Variants in OSBPL5 observed in about 807,000 individuals in gnomAD.
The protein encoded by OSBPL5 is oxysterol-binding protein-related protein 5.
A neutral mutation model predicts 111.2 loss-of-function variants in OSBPL5; 71 were observed. That is an observed-to-expected ratio of 0.64 (90% confidence interval 0.53 to 0.78). The LOEUF (loss-of-function observed/expected upper bound fraction) is 0.78, where lower values mean the gene tolerates loss of function less well. OSBPL5 is among the 30% of genes least tolerant of loss of function. OSBPL5 has a pLI of 0.00. For missense variants in OSBPL5, 1,210 were observed against 1,189.3 expected (o/e 1.02, Z -0.26); for synonymous variants, 549 against 513.9 (o/e 1.07, Z -0.93).
chr11:3,093,406 C>G lies in OSBPL5; in HGVS notation c.1946+121G>C, dbSNP rs113721382. ...GATCTGCCACCAGGGGTGCACCAGG[C>G]CTGCCCTCCCTGCCAGGGACATCCT... On this transcript the variant is annotated intron_variant, in intron 17 of 21. Transcript: ENST00000263650. 764 of 1,437,050 alleles carry G rather than the reference C, an allele frequency of 5.3e-4. 3 individuals are homozygous for G. In the African/African-American group the frequency reaches 9.4e-3, roughly 18 times the overall value. The allele number at this position is 1,437,050 out of a possible 1,614,324, so 89.0% of individuals were successfully genotyped here. A position where few individuals can be genotyped will look rare whatever the true frequency, so the allele number is the denominator to read the frequency against.
intron 14 of OSBPL5, among the ~76,000 whole-genome samples, chr11:3,096,388 G>A (rs1245857741): frequency 6.6e-6 from 1 of 152,186 alleles, no homozygotes; most frequent in African/African-American, 2.4e-5. Context: ...GGAGGCCGAG[G>A]TAGGCTGATC....
intron 1 of OSBPL5, among the ~76,000 whole-genome samples, chr11:3,138,619 C>A (rs1273677340): frequency 1.3e-5 from 2 of 152,250 alleles, no homozygotes; most frequent in African/African-American, 4.8e-5. Flanking sequence ...CGCTCGCCTG[C>A]CGTGCTGTGG....
In OSBPL5 at chr11:3,103,861, C is replaced by T. The variant is rs188780566; in HGVS notation, c.1244+332G>A. Among the ~76,000 whole-genome samples, 316 of 40,202 alleles carry T rather than the reference C, an allele frequency of 7.9e-3. 1 individual carries two copies. Among genetic ancestry groups the T allele is most frequent in the Non-Finnish European group, 0.013 (227 of 17,722 alleles). 26.4% of individuals were successfully genotyped at this position (40,202 alleles called of 152,430 possible). A position where few individuals can be genotyped will look rare whatever the true frequency, so the allele number is the denominator to read the frequency against. Reference sequence around the variant, plus strand: ...CTCTGCAGCCCCTTTCCAGTCTGCGCAGCCCCCTTCCTGCCTCTGTAGCCC... The same window carrying T: ...CTCTGCAGCCCCTTTCCAGTCTGCGTAGCCCCCTTCCTGCCTCTGTAGCCC... On this transcript the variant is annotated intron_variant, in intron 10 of 21. Coordinates refer to ENST00000263650, the MANE Select transcript of OSBPL5 (RefSeq NM_020896.4).
At chr11:3,135,701 C>T (rs1408446256) in intron 1 of OSBPL5, among the ~76,000 whole-genome samples, 4 of 152,226 alleles carry the variant, frequency 2.6e-5, no homozygotes, top group South Asian at 2.1e-4. Flanking sequence ...GCTAAGACAC[C>T]GCCCCGTGGT....
At position 3,097,294 on chromosome 11, in the gene OSBPL5, C is replaced by G. The variant is rs190478887; in HGVS notation, c.1621+2864G>C. Among the ~76,000 whole-genome samples, 489 of 152,146 alleles carry G rather than the reference C, an allele frequency of 3.2e-3. 4 individuals carry two copies. The highest frequency in any genetic ancestry group is 0.011 in the African/African-American group (462 of 41,456). On this transcript the variant is annotated intron_variant, in intron 14 of 21. Transcript: ENST00000263650. ...GAGACATTTCCACTAAGCAGGCACT[C>G]TCACATGGCTACACCCTCAACAGAA...
rs967362828 is a variant in OSBPL5, at chr11:3,154,251, C to T, written c.-22+10965G>A. ...CCAGGATGCTGGGACCTGGAGAGCA[C>T]GGCCCTGCGTGCAGCACCTGCCAGT... On this transcript the variant is annotated intron_variant, in intron 1 of 21. Coordinates refer to ENST00000263650, the MANE Select transcript of OSBPL5 (RefSeq NM_020896.4). The surrounding 1 kb of genome is among the most constrained non-coding windows in gnomAD (Gnocchi z 4.9). Among the ~76,000 whole-genome samples, 1 of 152,244 alleles carries T rather than the reference C, an allele frequency of 6.6e-6. No homozygotes were observed. The highest frequency in any genetic ancestry group is 1.5e-5 in the Non-Finnish European group (1 of 68,046).
At position 3,126,112 on chromosome 11, in the gene OSBPL5, A is replaced by C. The variant is rs1029150398; in HGVS notation, c.219+361T>G. Among the ~76,000 whole-genome samples, 2 of 152,252 alleles carry C rather than the reference A, an allele frequency of 1.3e-5. No homozygotes were observed. Among genetic ancestry groups the C allele is most frequent in the Admixed American group, 6.5e-5 (1 of 15,284 alleles). On this transcript the variant is annotated intron_variant, in intron 3 of 21. Coordinates refer to ENST00000263650, the MANE Select transcript of OSBPL5 (RefSeq NM_020896.4). This position sits in a 1 kb window ranked among gnomAD's most constrained non-coding sequence, Gnocchi z 6.5. ...GCAGCCGCTGGGAAAGGAGTTTGGC[A>C]GTTCCTCCAAAAGTTAAACAGACAA... is the stretch of plus-strand genomic sequence containing the variant.
intron 1 of OSBPL5, among the ~76,000 whole-genome samples, chr11:3,148,187 C>T (rs201890502): frequency 2.0e-5 from 3 of 152,336 alleles, no homozygotes; most frequent in East Asian, 3.9e-4. Context: ...GGGAGCAGGT[C>T]GGAAACCGCA....
At position 3,107,457 on chromosome 11, in the gene OSBPL5, T is replaced by G; in HGVS notation, c.867-2A>C. 1.2e-6 allele frequency: 2 copies of G among 1,613,922 alleles called. No homozygotes were observed. The highest frequency in any genetic ancestry group is 1.7e-6 in the Non-Finnish European group (2 of 1,179,894). On this transcript the variant is annotated splice_acceptor_variant, in intron 8 of 21. Coordinates refer to ENST00000263650, the MANE Select transcript of OSBPL5 (RefSeq NM_020896.4). LOFTEE classifies it high-confidence loss of function. The surrounding 1 kb of genome is among the most constrained non-coding windows in gnomAD (Gnocchi z 6.1). ...TTCTCCAGGGAAGACCCGTTCAGTC[T>G]GGAAGGTGGATGGTGCCAGTGGGTC...
rs59645003 is a variant in OSBPL5, at chr11:3,114,591, AT to A, written c.691+4955del. Among the ~76,000 whole-genome samples the A allele has an allele frequency of 7.1e-4, 81 of 113,892 alleles. 2 individuals carry two copies. The highest frequency in any genetic ancestry group is 4.8e-3 in the Middle Eastern group (1 of 208). 74.7% of individuals were successfully genotyped at this position (113,892 alleles called of 152,430 possible). ...GACTAAAGAATTGGTTAGAACAATG[AT>A]TTTTTTTTTTTTTTTTTTTTTTTTT... On this transcript the variant is annotated intron_variant, in intron 7 of 21. Transcript: ENST00000263650.
chr11:3,129,032 C>G lies in OSBPL5; in HGVS notation c.117G>C (p.Glu39Asp), dbSNP rs777355887. 15 of 1,587,270 alleles carry G rather than the reference C, an allele frequency of 9.5e-6. No individual in the cohort carries two copies. The African/African-American group carries it at 1.1e-4, about 12-fold the overall frequency. Reference sequence around the variant, plus strand: ...ACTTACCTGGGCTGAGTGGGTAGAGCTCATTGTCTCCGCTGAGGAGCAAGT... The same window carrying G: ...ACTTACCTGGGCTGAGTGGGTAGAGGTCATTGTCTCCGCTGAGGAGCAAGT... ...TRNLLLSGDN[E>D]LYPLSPGKDM... The change falls in exon 2 of 22, where the codon GAG becomes GAC. Residue 39 changes from glutamate (E) to aspartate (D), a missense_variant. By Grantham distance (45) the Glu-to-Asp change is conservative (BLOSUM62 2). Transcript: ENST00000263650.
intron 17 of OSBPL5, 87 bp from the exon 18 acceptor site, chr11:3,093,139 G>A (rs530422412): frequency 7.4e-7 from 1 of 1,350,400 alleles, no homozygotes; most frequent in East Asian, 2.5e-5. Context: ...GGCACCAGAA[G>A]GAAGGCACAG....
chr11:3,148,164 C>G (rs961601814), intron 1 of OSBPL5, among the ~76,000 whole-genome samples: 24 of 152,338 alleles, frequency 1.6e-4, no homozygotes, highest in Admixed American at 1.5e-3. Flanking sequence ...TACAGTACAG[C>G]CGGGACTCCC....
chr11:3,103,291 C>T lies in OSBPL5; in HGVS notation c.1274G>A (p.Arg425His), dbSNP rs867268261. Reference protein sequence around the residue: ...RAAVEEDAYSRMKLVLRWYLS... With the variant: ...RAAVEEDAYSHMKLVLRWYLS... ...GTACCACCGCAGCACCAGCTTCATG[C>T]GGCTGTAGGCATCCTCCTCCACCGC... The change falls in exon 11 of 22, where the codon CGC becomes CAC. Residue 425 changes from arginine (R) to histidine (H), a missense_variant. Arg to His is a conservative substitution (Grantham distance 29). Coordinates refer to ENST00000263650, the MANE Select transcript of OSBPL5 (RefSeq NM_020896.4). The T allele has an allele frequency of 6.2e-6, 10 of 1,607,058 alleles. No individual in the cohort carries two copies. The highest frequency in any genetic ancestry group is 1.7e-4 in the Middle Eastern group (1 of 6,054).
intron 2 of OSBPL5, among the ~76,000 whole-genome samples, chr11:3,127,424 A>C (rs1858665781): frequency 1.3e-5 from 2 of 152,220 alleles, no homozygotes; most frequent in Non-Finnish European, 2.9e-5. Context: ...AGCCCTGGGC[A>C]GGGACTGGAT....
chr11:3,148,522 G>A (rs530883182), intron 1 of OSBPL5, among the ~76,000 whole-genome samples: 1 of 152,380 alleles, frequency 6.6e-6, no homozygotes, highest in African/African-American at 2.4e-5. Flanking sequence ...TCTCTTTCCA[G>A]CGGCTGTCCA....
chr11:3,107,942 C>T lies in OSBPL5; in HGVS notation c.695G>A (p.Arg232His), dbSNP rs150076578. 3.3e-5 allele frequency: 52 copies of T among 1,597,580 alleles called. No individual in the cohort carries two copies. Among genetic ancestry groups the T allele is most frequent in the Non-Finnish European group, 3.9e-5 (46 of 1,179,482 alleles). ...CAGCTCCAGGGCGTCCAGCCAGCAG[C>T]GACCTGCGGGGCACACGGGATGAGC... ...IFRAASESDG[R>H]CWLDALELAL... is the part of the protein sequence containing the mutation. Residue 232 changes from arginine (R) to histidine (H), a missense_variant, in exon 8 of 22, where the codon CGC (arginine) becomes CAC (histidine). Arg to His is a conservative substitution (Grantham distance 29). Transcript: ENST00000263650. The surrounding 1 kb of genome is among the most constrained non-coding windows in gnomAD (Gnocchi z 6.1).
intron 14 of OSBPL5, among the ~76,000 whole-genome samples, chr11:3,099,766 A>G (rs2134402227): frequency 6.6e-6 from 1 of 152,286 alleles, no homozygotes; most frequent in African/African-American, 2.4e-5. Context: ...GGAATTACCC[A>G]CCTTCAAAAG....
At position 3,105,471 on chromosome 11, in the gene OSBPL5, TCATGGGTAGCTTCG is replaced by T. The variant is rs1200880434; in HGVS notation, c.1060-1108_1060-1095del. Among the ~76,000 whole-genome samples, 2 of 152,074 alleles carry T rather than the reference TCATGGGTAGCTTCG, an allele frequency of 1.3e-5. No homozygotes were observed. Among genetic ancestry groups the T allele is most frequent in the African/African-American group, 4.8e-5 (2 of 41,390 alleles). The stretch of plus-strand genomic sequence containing the variant: ...GTGCTGTAGCTTTGGGGCTTGGAAA[TCATGGGTAGCTTCG>T]GCTGTCAGGAATCCTGCTCTGTCCA... On this transcript the variant is annotated intron_variant, in intron 9 of 21. Transcript: ENST00000263650. The surrounding 1 kb of genome is among the most constrained non-coding windows in gnomAD (Gnocchi z 5.2).
Sources: allele counts gnomAD v4.1 joint callset (sites outside exome capture counted in the v4.1 genomes callset), GRCh38; gene constraint gnomAD v4.1.1; non-coding constraint Gnocchi (gnomAD v3.1); transcripts MANE v1.5; gene names NCBI Gene and HGNC (gene_info 2026-07-23, HGNC 2026-07-21).